Variants in PCDH11Y observed in about 807,000 individuals in gnomAD.
The protein encoded by PCDH11Y is protocadherin-11 Y-linked.
For missense variants in PCDH11Y, 12 were observed against 224.8 expected (o/e 0.05, Z 6.05); for synonymous variants, 9 against 83.6 (o/e 0.11, Z 4.87).
chrY:5,236,715 G>C (rs2052975772), intron 2 of PCDH11Y, among the ~76,000 whole-genome samples: 32 of 30,945 alleles, frequency 1.0e-3, no homozygotes, highest in African/African-American at 3.7e-3. Flanking sequence ...ACATAGAACA[G>C]ATGTGTGTTC....
At chrY:5,385,640 G>A in intron 2 of PCDH11Y, among the ~76,000 whole-genome samples, 1 of 33,533 alleles carries the variant, frequency 3.0e-5, no homozygotes, top group African/African-American at 1.2e-4. Context: ...GTATAGAAGT[G>A]TTCCCTTTTC....
intron 3 of PCDH11Y, among the ~76,000 whole-genome samples, chrY:5,044,973 C>T (rs2052630588): frequency 3.1e-5 from 1 of 32,642 alleles, no homozygotes; most frequent in Non-Finnish European, 7.5e-5. Flanking sequence ...GGTAGATTTT[C>T]CTCTATCCTT....
intron 4 of PCDH11Y, among the ~76,000 whole-genome samples, chrY:5,583,530 G>A: frequency 3.2e-5 from 1 of 31,018 alleles, no homozygotes; most frequent in South Asian, 7.0e-4. Context: ...TTCATTTTTT[G>A]TGTCTTCAAT....
intron 1 of PCDH11Y, among the ~76,000 whole-genome samples, chrY:5,012,292 C>T (rs2052551178): frequency 3.1e-5 from 1 of 32,399 alleles, no homozygotes; most frequent in Non-Finnish European, 7.5e-5. Context: ...AACTGACTCA[C>T]AGTTCTACAG....
intron 1 of PCDH11Y, among the ~76,000 whole-genome samples, chrY:5,069,718 A>G: frequency 3.2e-5 from 1 of 30,779 alleles, no homozygotes; most frequent in Admixed American, 3.0e-4. Context: ...ATGGGGGTTC[A>G]CTCTATTCTC....
intron 1 of PCDH11Y, among the ~76,000 whole-genome samples, chrY:5,081,934 C>T: frequency 3.0e-5 from 1 of 32,953 alleles, no homozygotes; most frequent in Non-Finnish European, 7.5e-5. Context: ...AGAGGGCATC[C>T]TTGTCTTGTG....
intron 2 of PCDH11Y, among the ~76,000 whole-genome samples, chrY:5,459,813 A>AT: frequency 3.1e-5 from 1 of 32,452 alleles, no homozygotes; most frequent in South Asian, 6.7e-4. Context: ...CTTGATAGTT[A>AT]TTTTTTTTCC....
chrY:5,375,559 G>A, intron 2 of PCDH11Y, among the ~76,000 whole-genome samples: 6 of 31,765 alleles, frequency 1.9e-4, no homozygotes, highest in Admixed American at 1.5e-3. Context: ...TAGGTCCTTT[G>A]CATTTCAATA....
intron 2 of PCDH11Y, among the ~76,000 whole-genome samples, chrY:5,443,784 A>G (rs2124682021): frequency 3.0e-5 from 1 of 33,406 alleles, no homozygotes; most frequent in Admixed American, 2.7e-4. Flanking sequence ...AGCCAGAAAA[A>G]GGAATGAGAT....
At chrY:5,206,791 A>C (rs2052932792) in intron 2 of PCDH11Y, among the ~76,000 whole-genome samples, 1 of 30,706 alleles carries the variant, frequency 3.3e-5, no homozygotes, top group Non-Finnish European at 7.8e-5. Flanking sequence ...TGTCTAAAAG[A>C]GTCCCATTCA....
At chrY:5,363,624 A>T (rs2124672215) in intron 2 of PCDH11Y, among the ~76,000 whole-genome samples, 1 of 30,461 alleles carries the variant, frequency 3.3e-5, no homozygotes, top group East Asian at 8.4e-4. Context: ...GTTAATGGCA[A>T]TAGCAGGGTG....
At chrY:5,189,010 T>C in intron 2 of PCDH11Y, among the ~76,000 whole-genome samples, 1 of 33,728 alleles carries the variant, frequency 3.0e-5, no homozygotes, top group Non-Finnish European at 7.4e-5. Context: ...GACTAGCCAA[T>C]GCAAACTTGA....
chrY:5,565,108 C>T (rs1602943951), intron 3 of PCDH11Y, among the ~76,000 whole-genome samples: 1 of 33,142 alleles, frequency 3.0e-5, no homozygotes, highest in East Asian at 8.1e-4. Flanking sequence ...CTCAAGACTT[C>T]GTTAGGCTGA....
intron 4 of PCDH11Y, among the ~76,000 whole-genome samples, chrY:5,661,028 G>A (rs2124707244): frequency 3.1e-5 from 1 of 32,295 alleles, no homozygotes; most frequent in Admixed American, 2.8e-4. Flanking sequence ...TTAGCCTGGC[G>A]TGGTGGTGGG....
At chrY:5,342,707 A>T in intron 2 of PCDH11Y, among the ~76,000 whole-genome samples, 1 of 32,662 alleles carries the variant, frequency 3.1e-5, no homozygotes, top group Non-Finnish European at 7.4e-5. Flanking sequence ...ACACAGATCT[A>T]CCACCAACAG....
chrY:5,730,521 T>A, intron 4 of PCDH11Y, among the ~76,000 whole-genome samples: 1 of 32,994 alleles, frequency 3.0e-5, no homozygotes, highest in African/African-American at 1.2e-4. Flanking sequence ...CTTTAGGGTT[T>A]TCTACATATT....
chrY:5,140,308 A>G, intron 2 of PCDH11Y, among the ~76,000 whole-genome samples: 17 of 32,162 alleles, frequency 5.3e-4, no homozygotes, highest in Admixed American at 4.4e-3. Context: ...TCCCATTATT[A>G]TTTATTATTA....
chrY:5,339,536 T>G, intron 2 of PCDH11Y, among the ~76,000 whole-genome samples: 5 of 31,101 alleles, frequency 1.6e-4, no homozygotes, highest in African/African-American at 6.4e-4. Context: ...GCCATTTTGG[T>G]CAGGCTGGTC....
intron 2 of PCDH11Y, among the ~76,000 whole-genome samples, chrY:5,287,852 C>T: frequency 3.5e-5 from 1 of 28,704 alleles, no homozygotes; most frequent in African/African-American, 1.4e-4. Context: ...TACCATGGCA[C>T]GTTTATACCT....
Sources: gnomAD v4.1 joint callset for allele counts (sites outside exome capture counted in the v4.1 genomes callset) on GRCh38, gnomAD v4.1.1 for gene constraint, MANE v1.5 for transcripts, NCBI Gene and HGNC (gene_info 2026-07-23, HGNC 2026-07-21) for gene names.